Variants in CASTOR2 observed in about 807,000 individuals in gnomAD.
CASTOR2 encodes GATS protein like 2.
Under a neutral mutation model 31.2 loss-of-function variants are expected in CASTOR2, and 8 were observed. The observed-to-expected ratio is 0.26, with a 90% CI of 0.15 to 0.46. The LOEUF (loss-of-function observed/expected upper bound fraction) is 0.46, where lower values mean the gene tolerates loss of function less well. Ranked by LOEUF, CASTOR2 falls within the 20% of genes least tolerant of loss-of-function variation. CASTOR2 has a pLI of 0.99. For missense variants in CASTOR2, 216 were observed against 382.1 expected, an observed-to-expected ratio of 0.57 and a Z score of 3.62; for synonymous variants, 162 against 158.7, an observed-to-expected ratio of 1.02 and a Z score of -0.16.
At chr7:75,009,511 A>G (rs1268784609) in intron 2 of CASTOR2, among the ~76,000 whole-genome samples, 40 of 151,112 alleles carry the variant, frequency 2.6e-4, no homozygotes, top group South Asian at 1.9e-3. Context: ...CTCGTGATCC[A>G]CCCACCTCGG....
rs1423108909 is a variant in CASTOR2 at position 75,001,208 on chromosome 7, C to T, written c.114-6786C>T. Among the ~76,000 whole-genome samples the T allele has an allele frequency of 1.5e-3, 224 of 152,240 alleles. 1 individual carries two copies. The highest frequency in any genetic ancestry group is 4.9e-3 in the African/African-American group (203 of 41,530). On this transcript the variant is annotated intron_variant, in intron 1 of 8. Transcript: ENST00000616305. ...CCTCCCACCTCTGCCTCCTGAGTAG[C>T]TGAGACTACAGGGGCACACCACCAT...
At chr7:75,009,913 A>G (rs1243477321) in intron 2 of CASTOR2, among the ~76,000 whole-genome samples, 18 of 148,738 alleles carry the variant, frequency 1.2e-4, no homozygotes, top group African/African-American at 4.2e-4. Flanking sequence ...TTTTTAAGAA[A>G]CAGGTTCTTG....
chr7:74,980,650 A>G (rs1291123989), intron 1 of CASTOR2, among the ~76,000 whole-genome samples: 4 of 139,056 alleles, frequency 2.9e-5, no homozygotes, highest in Non-Finnish European at 3.0e-5. Context: ...CATGGCACAG[A>G]TGGTCTGTTC....
chr7:75,003,845 G>A (rs1249900973), intron 1 of CASTOR2, among the ~76,000 whole-genome samples: 3 of 152,118 alleles, frequency 2.0e-5, no homozygotes, highest in East Asian at 1.9e-4. Context: ...AACGGCAGCC[G>A]GTGCCTCTGG....
intron 1 of CASTOR2, among the ~76,000 whole-genome samples, chr7:74,991,799 C>A (rs1166868135): frequency 3.3e-5 from 5 of 151,978 alleles, no homozygotes; most frequent in African/African-American, 1.2e-4. Flanking sequence ...CAGCAGTGGT[C>A]ACATGGGGGC....
intron 2 of CASTOR2, among the ~76,000 whole-genome samples, chr7:75,013,466 AG>A (rs1355399172): frequency 6.9e-6 from 1 of 144,312 alleles, no homozygotes; most frequent in Non-Finnish European, 1.5e-5. Context: ...AACATGGCAA[AG>A]CCCCGTCTCT....
rs1178084776 is a variant in CASTOR2, at chr7:75,026,188, G to GTTTTTTTTTTTTTTTTTTTTTTTTTTT, written c.*1489_*1490insTTTTTTTTTTTTTTTTTTTTTTTTTTT. On this transcript the variant is annotated 3_prime_UTR_variant, in exon 9 of 9. Coordinates refer to ENST00000616305, the MANE Select transcript of CASTOR2 (RefSeq NM_001145064.3). ...CCCCTGTGGTTTTGGCTCTGGCGGG[G>GTTTTTTTTTTTTTTTTTTTTTTTTTTT]GTTTTTTTTTTTTTTTTTGAGATGG... Among the ~76,000 whole-genome samples the GTTTTTTTTTTTTTTTTTTTTTTTTTTT allele has an allele frequency of 6.1e-4, 69 of 113,254 alleles. No individual in the cohort carries two copies. The highest frequency in any genetic ancestry group is 0.014 in the Middle Eastern group (2 of 142). The allele number at this position is 113,254 out of a possible 152,430, so 74.3% of individuals were successfully genotyped here.
At chr7:75,018,252 G>A (rs1804911588) in intron 4 of CASTOR2, 130 bp downstream of exon 4, 3 of 1,503,110 alleles carry the variant, frequency 2.0e-6, no homozygotes, top group Non-Finnish European at 2.7e-6. Context: ...AGAACGGGAT[G>A]CAAAGGGCCC....
intron 1 of CASTOR2, among the ~76,000 whole-genome samples, chr7:75,005,722 G>A (rs1349335989): frequency 1.3e-5 from 2 of 152,184 alleles, no homozygotes; most frequent in African/African-American, 2.4e-5. Context: ...GGGTGCAGTG[G>A]CTTACAAATG....
chr7:75,020,248 G>A, intron 6 of CASTOR2, 99 bp downstream of exon 6: 1 of 1,233,434 alleles, frequency 8.1e-7, no homozygotes. Flanking sequence ...TTTATTTGTT[G>A]TTGTTTTTTT....
chr7:75,013,902 A>G (rs1804807718), intron 2 of CASTOR2, among the ~76,000 whole-genome samples: 1 of 151,620 alleles, frequency 6.6e-6, no homozygotes, highest in Admixed American at 6.6e-5. Context: ...TACTTTTTAT[A>G]TTTTTAGTAC....
In CASTOR2 at chr7:75,025,912, CCT is replaced by C. The variant is rs1169180482; in HGVS notation, c.*1218_*1219del. ...CGGGAGATGTCACAGGAGCCTGGGC[CCT>C]CTCTTCTGAAGGGAAGCTAGGAGCA... On this transcript the variant is annotated 3_prime_UTR_variant, in exon 9 of 9. Coordinates refer to ENST00000616305, the MANE Select transcript of CASTOR2 (RefSeq NM_001145064.3). Among the ~76,000 whole-genome samples, 18 of 152,230 alleles carry C rather than the reference CCT, an allele frequency of 1.2e-4. No homozygotes were observed. Among genetic ancestry groups the C allele is most frequent in the Non-Finnish European group, 2.4e-4 (16 of 68,020 alleles).
intron 2 of CASTOR2, among the ~76,000 whole-genome samples, chr7:75,009,614 C>A (rs587643610): frequency 6.6e-6 from 1 of 151,268 alleles, no homozygotes; most frequent in African/African-American, 2.4e-5. Context: ...ATTAAGTGGC[C>A]CCCCCCGCCC....
At chr7:75,008,176 A>G (rs1219120963) in intron 2 of CASTOR2, 112 bp downstream of exon 2, 2 of 1,308,162 alleles carry the variant, frequency 1.5e-6, no homozygotes, top group South Asian at 1.2e-5. Flanking sequence ...GCCCCCACCT[A>G]CCTCCTTACT....
chr7:74,990,718 G>C (rs1231302844), intron 1 of CASTOR2, among the ~76,000 whole-genome samples: 1 of 152,162 alleles, frequency 6.6e-6, no homozygotes, highest in Non-Finnish European at 1.5e-5. Flanking sequence ...AGCCAGGTGT[G>C]GTGGTGGGTG....
chr7:75,016,468 A>C (rs1267084166), intron 2 of CASTOR2, among the ~76,000 whole-genome samples: 1 of 152,162 alleles, frequency 6.6e-6, no homozygotes, highest in African/African-American at 2.4e-5. Flanking sequence ...CCCATGATGC[A>C]GCCTCTTCAG....
At chr7:75,000,995 G>T (rs1282943051) in intron 1 of CASTOR2, among the ~76,000 whole-genome samples, 1 of 152,216 alleles carries the variant, frequency 6.6e-6, no homozygotes, top group African/African-American at 2.4e-5. Context: ...GTCCTGGCTT[G>T]TTCCCAGGCA....
intron 2 of CASTOR2, among the ~76,000 whole-genome samples, chr7:75,008,944 T>C (rs1343052590): frequency 6.6e-6 from 1 of 151,974 alleles, no homozygotes; most frequent in Non-Finnish European, 1.5e-5. Flanking sequence ...CTGGGCAACA[T>C]GATGAGAACC....
chr7:74,995,201 A>G (rs1415969159), intron 1 of CASTOR2, among the ~76,000 whole-genome samples: 3 of 152,044 alleles, frequency 2.0e-5, no homozygotes, highest in Non-Finnish European at 4.4e-5. Flanking sequence ...GGATGAAGGA[A>G]GACTCTTTTT....
Sources: gnomAD v4.1 joint callset for allele counts (sites outside exome capture counted in the v4.1 genomes callset) on GRCh38, gnomAD v4.1.1 for gene constraint, MANE v1.5 for transcripts, NCBI Gene and HGNC (gene_info 2026-07-23, HGNC 2026-07-21) for gene names.